Variants in USP47 observed in about 807,000 individuals in gnomAD.
USP47 encodes the protein ubiquitin carboxyl-terminal hydrolase 47.
A neutral mutation model predicts 165.1 loss-of-function variants in USP47; 35 were observed. That is an observed-to-expected ratio of 0.21 (90% CI 0.16 to 0.28). The LOEUF is 0.28. Among genes scored for constraint, USP47 ranks in the 10% least tolerant of loss-of-function variants. The pLI is 1.00. For synonymous variants in USP47, 531 were observed against 544.5 expected, an observed-to-expected ratio of 0.98 and a Z score of 0.35; for missense variants, 1,277 against 1,607.4, an observed-to-expected ratio of 0.79 and a Z score of 3.52.
intron 3 of USP47, among the ~76,000 whole-genome samples, chr11:11,889,600 G>T (rs912679369): frequency 6.6e-6 from 1 of 152,152 alleles, no homozygotes; most frequent in Non-Finnish European, 1.5e-5. Flanking sequence ...TGGATAGGAA[G>T]AATCAATATC....
chr11:11,891,184 C>T (rs1188577857), intron 3 of USP47, among the ~76,000 whole-genome samples: 8 of 151,912 alleles, frequency 5.3e-5, no homozygotes, highest in Non-Finnish European at 1.2e-4. Flanking sequence ...ATTAAAATGC[C>T]AAAAAAAGAT....
At chr11:11,877,908 A>T (rs1366182910) in intron 1 of USP47, among the ~76,000 whole-genome samples, 3 of 149,848 alleles carry the variant, frequency 2.0e-5, no homozygotes, top group Non-Finnish European at 4.4e-5. Flanking sequence ...GCATGCTAAT[A>T]GTTATCTGTG....
Position 11,877,784 on chromosome 11 carries a change from TC to T in USP47, c.40-2392del, listed in dbSNP as rs1169734581. Among the ~76,000 whole-genome samples the T allele has an allele frequency of 1.9e-3, 250 of 131,538 alleles. 1 individual carries two copies. The highest frequency in any genetic ancestry group is 7.3e-3 in the African/African-American group (239 of 32,608). 86.3% of individuals were successfully genotyped at this position (131,538 alleles called of 152,430 possible). A position where few individuals can be genotyped will look rare whatever the true frequency, so the allele number is the denominator to read the frequency against. On this transcript the variant is annotated intron_variant, in intron 1 of 27. Coordinates refer to ENST00000527733, the MANE Select transcript of USP47 (RefSeq NM_001282659.2). ...CATAGCCTTTCTCTCTCTCTCTCTC[TC>T]TCTTTCTCTCTCTCTCTCTCTGTGT... is the stretch of plus-strand genomic sequence containing the variant.
intron 3 of USP47, among the ~76,000 whole-genome samples, chr11:11,887,912 T>A (rs934680434): frequency 2.0e-5 from 3 of 151,658 alleles, no homozygotes; most frequent in African/African-American, 7.3e-5. Flanking sequence ...CTCAAGAAAT[T>A]CACTCAAAAC....
At chr11:11,933,968 C>A in intron 16 of USP47, 33 bp downstream of exon 16, 1 of 1,460,270 alleles carries the variant, frequency 6.8e-7, no homozygotes, top group Non-Finnish European at 9.6e-7. Flanking sequence ...CATTTACTTA[C>A]TAATACAACA....
chr11:11,905,510 A>G lies in USP47; in HGVS notation c.931A>G (p.Ile311Val). 2 of 1,609,130 alleles carry G rather than the reference A, an allele frequency of 1.2e-6. No homozygotes were observed. The highest frequency in any genetic ancestry group is 2.2e-5 in the South Asian group (2 of 90,554). The change falls in exon 8 of 28, where the codon ATC (isoleucine) becomes GTC (valine). Residue 311 changes from isoleucine to valine, a missense_variant. By Grantham distance (29) the Ile-to-Val change is conservative. Transcript: ENST00000527733. ...IDTYLDIPLV[I>V]RPYGSSQAFA... ...CACATATCTTGATATTCCATTGGTC[A>G]TCCGACCTTATGGGTCCAGCCAAGC...
At chr11:11,874,338 C>T (rs528331086) in intron 1 of USP47, among the ~76,000 whole-genome samples, 1 of 152,144 alleles carries the variant, frequency 6.6e-6, no homozygotes, top group South Asian at 2.1e-4. Flanking sequence ...GTTTTTTCCC[C>T]AGAGTTGCTC....
intron 8 of USP47, among the ~76,000 whole-genome samples, chr11:11,913,482 A>G (rs1853170457): frequency 6.6e-6 from 1 of 151,850 alleles, no homozygotes; most frequent in Non-Finnish European, 1.5e-5. Context: ...CAAAACTTTG[A>G]AAAGATTATG....
intron 8 of USP47, among the ~76,000 whole-genome samples, chr11:11,910,817 T>C (rs993637173): frequency 5.3e-5 from 8 of 152,146 alleles, no homozygotes; most frequent in African/African-American, 1.9e-4. Flanking sequence ...GGTTTAAATA[T>C]GGTCCAGAAT....
At chr11:11,874,138 T>C (rs142884702) in intron 1 of USP47, among the ~76,000 whole-genome samples, 1 of 152,218 alleles carries the variant, frequency 6.6e-6, no homozygotes, top group African/African-American at 2.4e-5. Context: ...TCCAGATATA[T>C]TTATTTTCTG....
rs952223040 is a variant in USP47 at position 11,961,648 on chromosome 11, G to C, written c.*5473G>C. ...CTCAAAGGCAGGGGAAGTGGATGGA[G>C]GGCAGGAGCTCCATTCTTGTTTGCC... On this transcript the variant is annotated 3_prime_UTR_variant, in exon 28 of 28. Transcript: ENST00000527733. Among the ~76,000 whole-genome samples the C allele has an allele frequency of 6.6e-6, 1 of 152,236 alleles. No homozygotes were observed. Among genetic ancestry groups the C allele is most frequent in the African/African-American group, 2.4e-5 (1 of 41,460 alleles).
chr11:11,897,557 T>C (rs749569973), intron 4 of USP47, 40 bp from the exon 5 acceptor site: 1 of 1,411,038 alleles, frequency 7.1e-7, no homozygotes, highest in South Asian at 1.3e-5. Flanking sequence ...ATTTTTAATG[T>C]AAATGCTGAT....
chr11:11,905,692 T>C lies in USP47; in HGVS notation c.969+144T>C, dbSNP rs72856399. 7.4e-4 allele frequency: 601 copies of C among 813,288 alleles called. 1 individual carries two copies. The highest frequency in any genetic ancestry group is 9.0e-4 in the Non-Finnish European group (525 of 585,176). 50.4% of individuals were successfully genotyped at this position (813,288 alleles called of 1,614,324 possible). A position where few individuals can be genotyped will look rare whatever the true frequency, so the allele number is the denominator to read the frequency against. Reference sequence around the variant, plus strand: ...TTCCTGCATTTAAATTAGCAAGATCTAGAAGATTTTTGACCCTTCAGTGAG... The same window carrying C: ...TTCCTGCATTTAAATTAGCAAGATCCAGAAGATTTTTGACCCTTCAGTGAG... On this transcript the variant is annotated intron_variant, in intron 8 of 27. Transcript: ENST00000527733.
intron 8 of USP47, among the ~76,000 whole-genome samples, chr11:11,906,392 G>C: frequency 6.6e-6 from 1 of 152,068 alleles, no homozygotes; most frequent in East Asian, 1.9e-4. Context: ...ACTGATGGTG[G>C]CTTGTAGCTA....
intron 3 of USP47, among the ~76,000 whole-genome samples, chr11:11,889,018 C>T (rs1438751823): frequency 2.0e-5 from 3 of 152,096 alleles, no homozygotes; most frequent in Non-Finnish European, 4.4e-5. Context: ...ATGTTAAAAA[C>T]TCTGAATAAA....
chr11:11,881,808 C>G (rs184130246), intron 2 of USP47, among the ~76,000 whole-genome samples: 361 of 152,214 alleles, frequency 2.4e-3, no homozygotes, highest in Middle Eastern at 6.8e-3. Context: ...GACACTGATT[C>G]CATTCATGAG....
chr11:11,954,792 C>A, intron 25 of USP47, 105 bp from the exon 26 acceptor site: 1 of 1,301,650 alleles, frequency 7.7e-7, no homozygotes, highest in Non-Finnish European at 1.0e-6. Context: ...TTACATGAAA[C>A]ATTTTTTAAA....
intron 11 of USP47, among the ~76,000 whole-genome samples, chr11:11,923,201 A>C (rs1048418531): frequency 6.6e-6 from 1 of 151,468 alleles, no homozygotes; most frequent in Non-Finnish European, 1.5e-5. Context: ...CCTAGTAGTC[A>C]AGAAACCAAG....
chr11:11,884,173 A>G (rs553766518), intron 2 of USP47, among the ~76,000 whole-genome samples: 5 of 152,258 alleles, frequency 3.3e-5, no homozygotes, highest in African/African-American at 1.2e-4. Context: ...ATGTTTATAG[A>G]TTCTTTTTAT....
Sources: gnomAD v4.1 joint callset for allele counts (sites outside exome capture counted in the v4.1 genomes callset) on GRCh38, gnomAD v4.1.1 for gene constraint, MANE v1.5 for transcripts, NCBI Gene and HGNC (gene_info 2026-07-23, HGNC 2026-07-21) for gene names.